CTNNA3: variants seen among roughly 807,000 people sequenced by gnomAD.
CTNNA3 encodes the protein catenin alpha 3, also known as catenin alpha-3.
A neutral mutation model predicts 95.7 loss-of-function variants in CTNNA3; 76 were observed. The ratio of observed to expected loss-of-function variants is 0.79; its 90% CI spans 0.66 to 0.96. The LOEUF (loss-of-function observed/expected upper bound fraction) is 0.96, where lower values mean the gene tolerates loss of function less well. Among genes scored for constraint, CTNNA3 ranks in the 40% least tolerant of loss-of-function variants. CTNNA3 has a pLI of 0.00. For synonymous variants in CTNNA3, 431 were observed against 374.4 expected (o/e 1.15, Z -1.74); for missense variants, 1,191 against 1,089.8 (o/e 1.09, Z -1.31).
intron 15 of CTNNA3, among the ~76,000 whole-genome samples, chr10:66,024,186 T>C (rs1357910437): frequency 7.3e-6 from 1 of 137,278 alleles, no homozygotes; most frequent in Non-Finnish European, 1.5e-5. Context: ...GCCTCCCGGG[T>C]TCATGCCATT....
chr10:67,006,792 C>T (rs1852016649), intron 7 of CTNNA3, among the ~76,000 whole-genome samples: 1 of 117,198 alleles, frequency 8.5e-6, no homozygotes, highest in African/African-American at 2.9e-5. Context: ...AAATTACAGT[C>T]TTAAATTTTT....
intron 9 of CTNNA3, among the ~76,000 whole-genome samples, chr10:66,760,943 T>C (rs974173941): frequency 6.6e-6 from 1 of 152,166 alleles, no homozygotes; most frequent in Non-Finnish European, 1.5e-5. Flanking sequence ...TGTTGGTTTG[T>C]GTACAAGTGT....
chr10:66,335,174 A>C (rs2092380366), intron 12 of CTNNA3, among the ~76,000 whole-genome samples: 1 of 151,992 alleles, frequency 6.6e-6, no homozygotes, highest in Admixed American at 6.6e-5. Flanking sequence ...TATGGGTTCG[A>C]ACTTCCTCCT....
chr10:65,959,032 G>A (rs1197796172), intron 17 of CTNNA3, among the ~76,000 whole-genome samples: 2 of 152,172 alleles, frequency 1.3e-5, no homozygotes, highest in African/African-American at 4.8e-5. Flanking sequence ...GAGCTGCGGT[G>A]GGCTCCACCC....
intron 9 of CTNNA3, among the ~76,000 whole-genome samples, chr10:66,764,293 G>A (rs1190470142): frequency 6.6e-6 from 1 of 152,082 alleles, no homozygotes; most frequent in Non-Finnish European, 1.5e-5. Flanking sequence ...CAAATTCTTA[G>A]AGCTGTGTCT....
chr10:66,346,591 T>C (rs2092522677), intron 12 of CTNNA3, among the ~76,000 whole-genome samples: 1 of 152,000 alleles, frequency 6.6e-6, no homozygotes. Flanking sequence ...AGTAAATATA[T>C]TCATAACAAT....
At chr10:66,658,017 G>A (rs1403199949) in intron 9 of CTNNA3, among the ~76,000 whole-genome samples, 4 of 152,156 alleles carry the variant, frequency 2.6e-5, no homozygotes, top group African/African-American at 9.7e-5. Flanking sequence ...CAAAGATGGA[G>A]ATGTGGATAC....
intron 13 of CTNNA3, among the ~76,000 whole-genome samples, chr10:66,231,043 A>G: frequency 6.6e-6 from 1 of 152,160 alleles, no homozygotes; most frequent in East Asian, 1.9e-4. Context: ...ATGCTGTGGC[A>G]GCTTGGGTCT....
Position 67,176,634 on chromosome 10 carries a change from C to G in CTNNA3, c.1047+3683G>C, listed in dbSNP as rs115123741. Among the ~76,000 whole-genome samples, 1,293 of 152,232 alleles carry G rather than the reference C, an allele frequency of 8.5e-3. 28 individuals are homozygous for G. Among genetic ancestry groups the G allele is most frequent in the African/African-American group, 0.029 (1,219 of 41,538 alleles). The stretch of plus-strand genomic sequence containing the variant: ...CCTATGAATATGTTACCTGACATGG[C>G]AAGAGGGATTTTGCAGATGTAATTA... On this transcript the variant is annotated intron_variant, in intron 7 of 17. Coordinates refer to ENST00000433211, the MANE Select transcript of CTNNA3 (RefSeq NM_013266.4).
intron 7 of CTNNA3, among the ~76,000 whole-genome samples, chr10:66,852,427 T>C (rs1843531605): frequency 6.6e-6 from 1 of 152,140 alleles, no homozygotes; most frequent in Admixed American, 6.6e-5. Context: ...AATATATACT[T>C]GTGTTCAGAA....
chr10:66,608,654 T>G (rs1441052474), intron 10 of CTNNA3, among the ~76,000 whole-genome samples: 1 of 152,006 alleles, frequency 6.6e-6, no homozygotes, highest in African/African-American at 2.4e-5. Flanking sequence ...CCATCTGATC[T>G]TCAAAAAAAA....
At chr10:67,618,018 TATTAA>T (rs2133403524) in intron 2 of CTNNA3, among the ~76,000 whole-genome samples, 1 of 152,264 alleles carries the variant, frequency 6.6e-6, no homozygotes, top group African/African-American at 2.4e-5. Context: ...ACTATAAAGA[TATTAA>T]ATTAAGCAAA....
chr10:67,323,963 T>A (rs1275211559), intron 5 of CTNNA3, among the ~76,000 whole-genome samples: 3 of 152,094 alleles, frequency 2.0e-5, no homozygotes, highest in Non-Finnish European at 4.4e-5. Flanking sequence ...TTTTACCTTT[T>A]TTGTGTGTGA....
chr10:66,477,605 C>T (rs1217741510), intron 11 of CTNNA3, among the ~76,000 whole-genome samples: 5 of 151,970 alleles, frequency 3.3e-5, no homozygotes, highest in Non-Finnish European at 5.9e-5. Context: ...ATTCTACAAC[C>T]CCATCAACTC....
chr10:66,318,553 A>G (rs190952851), intron 12 of CTNNA3, among the ~76,000 whole-genome samples: 13 of 151,998 alleles, frequency 8.6e-5, no homozygotes, highest in Non-Finnish European at 1.6e-4. Flanking sequence ...CATATGCCAC[A>G]TGTTTTTCCT....
At chr10:67,616,821 A>G (rs181739235) in intron 2 of CTNNA3, among the ~76,000 whole-genome samples, 5 of 152,338 alleles carry the variant, frequency 3.3e-5, no homozygotes, top group Admixed American at 2.0e-4. Context: ...TACTTTTTCA[A>G]TTTAATTGTT....
At chr10:67,755,098 C>T (rs144702991) in intron 1 of CTNNA3, among the ~76,000 whole-genome samples, 3 of 151,726 alleles carry the variant, frequency 2.0e-5, no homozygotes, top group Admixed American at 6.6e-5. Context: ...GAGGCTGAGG[C>T]GAGAGGATCA....
At chr10:66,872,728 G>C (rs770448925) in intron 7 of CTNNA3, among the ~76,000 whole-genome samples, 1 of 151,924 alleles carries the variant, frequency 6.6e-6, no homozygotes, top group African/African-American at 2.4e-5. Context: ...GGTGGTACAC[G>C]TGAAGGTTTG....
intron 15 of CTNNA3, among the ~76,000 whole-genome samples, chr10:66,026,937 G>T (rs2079352098): frequency 6.6e-6 from 1 of 151,788 alleles, no homozygotes; most frequent in African/African-American, 2.4e-5. Flanking sequence ...GCATTTCTAG[G>T]GGTTATTTTT....
Sources: gnomAD v4.1 joint callset for allele counts (sites outside exome capture counted in the v4.1 genomes callset) on GRCh38, gnomAD v4.1.1 for gene constraint, MANE v1.5 for transcripts, NCBI Gene and HGNC (gene_info 2026-07-23, HGNC 2026-07-21) for gene names.